Variants in POU2F1 observed in about 807,000 individuals in gnomAD.
POU2F1 encodes the protein POU class 2 homeobox 1.
In POU2F1, 16 loss-of-function variants were observed where a neutral mutation model predicts 84.9. The ratio of observed to expected loss-of-function variants is 0.19; its 90% CI spans 0.13 to 0.29. The LOEUF (loss-of-function observed/expected upper bound fraction) is 0.29. Ranked by LOEUF, POU2F1 falls within the 10% of genes least tolerant of loss-of-function variation. The pLI is 1.00. For synonymous variants in POU2F1, 368 were observed against 368.3 expected (o/e 1.00, Z 0.01); for missense variants, 738 against 942.6 (o/e 0.78, Z 2.84).
At chr1:167,371,726 G>T (rs1009480949) in intron 4 of POU2F1, among the ~76,000 whole-genome samples, 191 bp from the exon 5 acceptor site, 1 of 152,116 alleles carries the variant, frequency 6.6e-6, no homozygotes, top group African/African-American at 2.4e-5. Context: ...CAGCTTTGCT[G>T]GCATTAGAAT....
intron 2 of POU2F1, among the ~76,000 whole-genome samples, chr1:167,336,063 T>C (rs1455148904): frequency 6.6e-6 from 1 of 152,232 alleles, no homozygotes; most frequent in Non-Finnish European, 1.5e-5. Flanking sequence ...AAACTATATG[T>C]AGATACTATT....
intron 7 of POU2F1, chr1:167,380,228 C>G (rs1571406093): frequency 6.6e-6 from 1 of 152,184 alleles, no homozygotes; most frequent in Non-Finnish European, 1.5e-5. Context: ...GCCCCTGTTT[C>G]CTCAACTGTG....
At chr1:167,238,215 C>G (rs1649647498) in intron 1 of POU2F1, among the ~76,000 whole-genome samples, 1 of 151,728 alleles carries the variant, frequency 6.6e-6, no homozygotes, top group Non-Finnish European at 1.5e-5. Flanking sequence ...CATTTTGTCT[C>G]TCAAGTTGGT....
At chr1:167,265,226 G>A (rs1183394403) in intron 1 of POU2F1, among the ~76,000 whole-genome samples, 2 of 152,280 alleles carry the variant, frequency 1.3e-5, no homozygotes, top group South Asian at 2.1e-4. Flanking sequence ...AGTTTAAAGG[G>A]TCTGAGTCTA....
chr1:167,335,013 T>G (rs1279383799), intron 2 of POU2F1, among the ~76,000 whole-genome samples: 6 of 152,198 alleles, frequency 3.9e-5, no homozygotes, highest in Admixed American at 3.3e-4. Flanking sequence ...TAAAATTATT[T>G]TAAGATTGTG....
At chr1:167,298,147 A>G (rs1654417686) in intron 1 of POU2F1, among the ~76,000 whole-genome samples, 1 of 151,968 alleles carries the variant, frequency 6.6e-6, no homozygotes, top group South Asian at 2.1e-4. Flanking sequence ...AACAACAACA[A>G]CAACAAAAAC....
intron 1 of POU2F1, among the ~76,000 whole-genome samples, chr1:167,254,387 C>A (rs564522394): frequency 3.9e-5 from 6 of 152,304 alleles, no homozygotes; most frequent in African/African-American, 1.4e-4. Context: ...CTTACTAGTA[C>A]AACTAAACTA....
intron 1 of POU2F1, among the ~76,000 whole-genome samples, chr1:167,257,285 AAAC>A (rs1651212312): frequency 6.6e-6 from 1 of 152,240 alleles, no homozygotes; most frequent in Admixed American, 6.5e-5. Flanking sequence ...GATAACTTAA[AAAC>A]AACCATTTTT....
intron 1 of POU2F1, among the ~76,000 whole-genome samples, chr1:167,244,637 A>G (rs1275994395): frequency 6.6e-6 from 1 of 152,196 alleles, no homozygotes; most frequent in African/African-American, 2.4e-5. Flanking sequence ...GGGGCTACAC[A>G]AGGGTACAAA....
chr1:167,313,693 T>C (rs1655658186), intron 1 of POU2F1, among the ~76,000 whole-genome samples: 1 of 152,212 alleles, frequency 6.6e-6, no homozygotes, highest in South Asian at 2.1e-4. Flanking sequence ...TGAACAGTTT[T>C]TAAACGTGAC....
chr1:167,256,818 C>T (rs974497243), intron 1 of POU2F1, among the ~76,000 whole-genome samples: 2 of 152,088 alleles, frequency 1.3e-5, no homozygotes, highest in Non-Finnish European at 2.9e-5. Context: ...TGAGTGAATG[C>T]CTATTGATAT....
chr1:167,223,196 G>A (rs984651089), intron 1 of POU2F1, among the ~76,000 whole-genome samples: 5 of 152,166 alleles, frequency 3.3e-5, no homozygotes, highest in African/African-American at 1.2e-4. Flanking sequence ...GATTAAATGA[G>A]TGAAAAGAGA....
At chr1:167,257,741 T>C (rs1651250540) in intron 1 of POU2F1, 1 of 151,748 alleles carries the variant, frequency 6.6e-6, no homozygotes, top group Non-Finnish European at 1.5e-5. Context: ...CTAAACTGTG[T>C]TATCTTATTT....
Position 167,412,221 on chromosome 1 carries a change from G to A in POU2F1, c.1818G>A (p.Leu606=). The A allele has an allele frequency of 1.2e-6, 2 of 1,607,196 alleles. No individual in the cohort carries two copies. The highest frequency in any genetic ancestry group is 1.7e-6 in the Non-Finnish European group (2 of 1,176,576). The change falls in exon 14 of 16, where the codon TTG becomes TTA. Residue 606 remains leucine, a synonymous_variant. Transcript: ENST00000367866. The stretch of plus-strand genomic sequence containing the variant: ...CTGCCCTTCAAGGAGCTGCACAGTT[G>A]CCAGCAAATGCCAGTCTTGCTGCCA... ...AAAALQGAAQ[L]PANASLAAMA...
At chr1:167,265,366 G>A (rs1651868337) in intron 1 of POU2F1, among the ~76,000 whole-genome samples, 1 of 152,174 alleles carries the variant, frequency 6.6e-6, no homozygotes, top group Admixed American at 6.5e-5. Flanking sequence ...TGCCTCACAA[G>A]TTTAGCGTTT....
At position 167,289,125 on chromosome 1, in the gene POU2F1, C is replaced by T. The variant is rs778741972; in HGVS notation, c.62-43345C>T. 7.3e-4 allele frequency among the ~76,000 whole-genome samples: 111 copies of T among 152,210 alleles called. 1 individual carries two copies. The highest frequency in any genetic ancestry group is 6.8e-3 in the Middle Eastern group (2 of 294). On this transcript the variant is annotated intron_variant, in intron 1 of 15. Coordinates refer to ENST00000367866, the MANE Select transcript of POU2F1 (RefSeq NM_002697.4). ...TAGTAGCATTTTGCTAGATGAGCTG[C>T]CTTTATTCCAAATCAATAAATGAGT...
At chr1:167,376,199 T>G in intron 7 of POU2F1, 44 bp downstream of exon 7, 1 of 1,591,450 alleles carries the variant, frequency 6.3e-7, no homozygotes, top group Non-Finnish European at 8.6e-7. Context: ...CCAAGGCTGT[T>G]CGCTGAATGT....
At chr1:167,340,431 C>CTTTTTTTTTTTTTTT (rs761386225) in intron 2 of POU2F1, among the ~76,000 whole-genome samples, 6 of 122,322 alleles carry the variant, frequency 4.9e-5, no homozygotes, top group African/African-American at 1.0e-4. Flanking sequence ...TTCTTTTTTT[C>CTTTTTTTTTTTTTTT]TTTTTTTTTT....
intron 9 of POU2F1, among the ~76,000 whole-genome samples, chr1:167,389,992 T>C (rs1571424797): frequency 2.0e-5 from 3 of 152,348 alleles, no homozygotes; most frequent in Admixed American, 2.0e-4. Flanking sequence ...TTAAGTATTA[T>C]AAGTAACGTA....
Sources: gnomAD v4.1 joint callset for allele counts (sites outside exome capture counted in the v4.1 genomes callset) on GRCh38, gnomAD v4.1.1 for gene constraint, MANE v1.5 for transcripts, NCBI Gene and HGNC (gene_info 2026-07-23, HGNC 2026-07-21) for gene names.